The following CCDC186 variants were observed in gnomAD, a reference collection of about 807,000 sequenced individuals.
CCDC186 encodes coiled-coil domain-containing protein 186.
A neutral mutation model predicts 113.7 loss-of-function variants in CCDC186; 49 were observed. The observed-to-expected ratio is 0.43, with a 90% CI of 0.34 to 0.55. The LOEUF (loss-of-function observed/expected upper bound fraction) is 0.55, where lower values mean the gene tolerates loss of function less well. CCDC186 is among the 20% of genes least tolerant of loss of function. The pLI is 0.02. For synonymous variants in CCDC186, 355 were observed against 345.8 expected, an observed-to-expected ratio of 1.03 and a Z score of -0.30; for missense variants, 890 against 1,011.1, an observed-to-expected ratio of 0.88 and a Z score of 1.62.
intron 4 of CCDC186, among the ~76,000 whole-genome samples, chr10:114,148,793 T>G (rs949526645): frequency 6.6e-6 from 1 of 152,206 alleles, no homozygotes; most frequent in Non-Finnish European, 1.5e-5. Flanking sequence ...CCCTGAAAAT[T>G]TATAATACAG....
chr10:114,140,934 C>T (rs553689509), intron 6 of CCDC186, among the ~76,000 whole-genome samples: 6 of 151,478 alleles, frequency 4.0e-5, no homozygotes, highest in Admixed American at 3.3e-4. Flanking sequence ...CAGGATCTTG[C>T]TGTGTTGCCC....
Position 114,120,987 on chromosome 10 carries a change from T to TACAC in CCDC186, c.*4152_*4155dup. 6.6e-6 allele frequency: 1 copy of TACAC among 151,584 alleles called. No individual in the cohort carries two copies. The highest frequency in any genetic ancestry group is 1.9e-4 in the East Asian group (1 of 5,180). 9.4% of individuals were successfully genotyped at this position (151,584 alleles called of 1,614,324 possible). A position where few individuals can be genotyped will look rare whatever the true frequency, so the allele number is the denominator to read the frequency against. ...AATCAAATTAAAGGTATCTGTACAA[T>TACAC]ACACACACACACACATATATATATG... is the stretch of plus-strand genomic sequence containing the variant. On this transcript the variant is annotated 3_prime_UTR_variant, in exon 16 of 16. Transcript: ENST00000369287.
chr10:114,144,999 T>C (rs1471294316), intron 5 of CCDC186, among the ~76,000 whole-genome samples: 1 of 151,938 alleles, frequency 6.6e-6, no homozygotes, highest in Non-Finnish European at 1.5e-5. Context: ...CATTGAAAAA[T>C]GATAATGCCC....
intron 2 of CCDC186, among the ~76,000 whole-genome samples, chr10:114,157,921 C>G (rs950557632): frequency 1.3e-5 from 2 of 152,206 alleles, no homozygotes; most frequent in South Asian, 2.1e-4. Flanking sequence ...AAAATAGAAT[C>G]ATATGAATGA....
chr10:114,163,465 G>A, intron 1 of CCDC186, 136 bp from the exon 2 acceptor site: 3 of 726,392 alleles, frequency 4.1e-6, no homozygotes, highest in African/African-American at 1.8e-5. Flanking sequence ...CTGTCCTTGA[G>A]AAAAAAGAAA....
intron 3 of CCDC186, among the ~76,000 whole-genome samples, chr10:114,152,308 C>T (rs900934921): frequency 1.3e-4 from 19 of 149,740 alleles, no homozygotes; most frequent in African/African-American, 4.2e-4. Context: ...CACCATGGTA[C>T]GCCAGCCAGA....
chr10:114,153,137 T>C (rs1389148729), intron 3 of CCDC186, among the ~76,000 whole-genome samples: 1 of 152,074 alleles, frequency 6.6e-6, no homozygotes, highest in Non-Finnish European at 1.5e-5. Context: ...TATACAACAC[T>C]CCACCCAGGA....
At chr10:114,131,438 A>G (rs955210916) in intron 11 of CCDC186, 102 bp from the exon 12 acceptor site, 3 of 973,314 alleles carry the variant, frequency 3.1e-6, no homozygotes, top group African/African-American at 3.4e-5. Flanking sequence ...GACAGTGGAG[A>G]TTCTTCTATT....
At position 114,125,163 on chromosome 10, in the gene CCDC186, G is replaced by A; in HGVS notation, c.2677C>T (p.Gln893Ter). 6.2e-7 allele frequency: 1 copy of A among 1,609,542 alleles called. No homozygotes were observed. Among genetic ancestry groups the A allele is most frequent in the Non-Finnish European group, 8.5e-7 (1 of 1,177,880 alleles). ...RLIKHQHELE[Q>*]RTKKT Reference sequence around the variant, plus strand: ...TTGTTTTAGGTTTTCTTTGTCCTCTGTTCTAGTTCATGCTGGTGTTTAATA... The same window carrying A: ...TTGTTTTAGGTTTTCTTTGTCCTCTATTCTAGTTCATGCTGGTGTTTAATA... Residue 893 changes from glutamine to a stop codon, truncating the protein, a stop_gained, in exon 16 of 16, where the codon CAG (glutamine) becomes TAG (stop). Transcript: ENST00000369287. LOFTEE classifies it high-confidence loss of function.
chr10:114,137,039 C>G, intron 7 of CCDC186, 147 bp downstream of exon 7: 1 of 552,440 alleles, frequency 1.8e-6, no homozygotes, highest in East Asian at 3.3e-5. Flanking sequence ...ATCGCTTGTA[C>G]CCGGGAGGCA....
chr10:114,131,333 T>C lies in CCDC186; in HGVS notation c.1915A>G (p.Ser639Gly). The change falls in exon 12 of 16, where the codon AGT becomes GGT. Residue 639 changes from serine to glycine, a missense_variant. By Grantham distance (56) the Ser-to-Gly change is moderately conservative. Coordinates refer to ENST00000369287, the MANE Select transcript of CCDC186 (RefSeq NM_018017.4). Reference protein sequence around the residue: ...QMKQTNINLESRLLKEEELRK... With the variant: ...QMKQTNINLEGRLLKEEELRK... ...AGTTCTTCCTCTTTCAACAACCTAC[T>C]TTCCTGAATAGTAAGTAAAACAAAA... 1 of 1,564,802 alleles carries C rather than the reference T, an allele frequency of 6.4e-7. No homozygotes were observed. Among genetic ancestry groups the C allele is most frequent in the South Asian group, 1.2e-5 (1 of 82,696 alleles).
intron 6 of CCDC186, among the ~76,000 whole-genome samples, chr10:114,143,751 T>A (rs1564910338): frequency 6.6e-6 from 1 of 152,234 alleles, no homozygotes; most frequent in Non-Finnish European, 1.5e-5. Flanking sequence ...ACGATTATGA[T>A]TTTAACCAAT....
At chr10:114,169,587 A>C (rs1332758014) in intron 1 of CCDC186, among the ~76,000 whole-genome samples, 1 of 152,132 alleles carries the variant, frequency 6.6e-6, no homozygotes, top group Non-Finnish European at 1.5e-5. Flanking sequence ...CTCAAGTAAT[A>C]TCCATTAAGC....
At chr10:114,172,831 G>C (rs563226275) in intron 1 of CCDC186, among the ~76,000 whole-genome samples, 1 of 152,060 alleles carries the variant, frequency 6.6e-6, no homozygotes, top group Non-Finnish European at 1.5e-5. Flanking sequence ...GTTACACAGG[G>C]AACAGTGTAC....
intron 6 of CCDC186, among the ~76,000 whole-genome samples, chr10:114,137,638 C>T (rs1001584691): frequency 2.6e-5 from 4 of 152,096 alleles, no homozygotes; most frequent in Non-Finnish European, 5.9e-5. Flanking sequence ...CGTGGTGGCT[C>T]ACGCCTGTAA....
intron 1 of CCDC186, chr10:114,173,031 C>A (rs1051251209): frequency 3.4e-6 from 1 of 292,266 alleles, no homozygotes; most frequent in Non-Finnish European, 7.1e-6. Context: ...CTCTTGAAAC[C>A]CTGATTTACT....
In CCDC186 at chr10:114,126,133, G is replaced by A. The variant is rs111325481; in HGVS notation, c.2394-28C>T. 9.4e-5 allele frequency: 148 copies of A among 1,574,156 alleles called. No individual in the cohort carries two copies. In the African/African-American group the frequency reaches 1.4e-3, roughly 15 times the overall value. On this transcript the variant is annotated intron_variant, in intron 14 of 15. Transcript: ENST00000369287. ...GCAAAACAAAATGATAGTATCAGTTGTGTACTTGTAGAATTAAAAAAAATG... is the reference window on the plus strand; with the variant it reads ...GCAAAACAAAATGATAGTATCAGTTATGTACTTGTAGAATTAAAAAAAATG...
chr10:114,133,867 A>T (rs1314726775), intron 10 of CCDC186, among the ~76,000 whole-genome samples: 2 of 152,200 alleles, frequency 1.3e-5, no homozygotes, highest in African/African-American at 4.8e-5. Flanking sequence ...GCTGCAAAGG[A>T]AAGGAGAAAA....
intron 6 of CCDC186, among the ~76,000 whole-genome samples, chr10:114,138,037 C>CAAAAAAAAAAAAAAAAAAAA (rs1564908401): frequency 4.4e-5 from 1 of 22,848 alleles, no homozygotes; most frequent in Non-Finnish European, 7.8e-5. Flanking sequence ...AACTCGGTCT[C>CAAAAAAAAAAAAAAAAAAAA]AAAAAAAAAA....
Sources: gnomAD v4.1 joint callset for allele counts (sites outside exome capture counted in the v4.1 genomes callset) on GRCh38, gnomAD v4.1.1 for gene constraint, MANE v1.5 for transcripts, NCBI Gene and HGNC (gene_info 2026-07-23, HGNC 2026-07-21) for gene names.